Variants in C19orf47 observed in about 807,000 individuals in gnomAD.
C19orf47 encodes chromosome 19 open reading frame 47.
Under a neutral mutation model 32.3 loss-of-function variants are expected in C19orf47, and 18 were observed. That is an observed-to-expected ratio of 0.56 (90% CI 0.39 to 0.83). The LOEUF is 0.83. C19orf47 is among the 40% of genes least tolerant of loss of function. The probability of loss-of-function intolerance (pLI) is 0.00; values close to 1 mark genes in which losing one functional copy is unlikely to be tolerated. For missense variants in C19orf47, 484 were observed against 531.6 expected (o/e 0.91, Z 0.88); for synonymous variants, 202 against 211.1 (o/e 0.96, Z 0.37).
intron 1 of C19orf47, among the ~76,000 whole-genome samples, chr19:40,345,773 G>T (rs117356447): frequency 2.7e-4 from 28 of 102,450 alleles, no homozygotes; most frequent in African/African-American, 1.5e-3. Context: ...ACCCGGGGCG[G>T]GGGGGGGAGA....
chr19:40,294,063 T>C, the C19orf47 span, among the ~76,000 whole-genome samples: 3 of 152,002 alleles, frequency 2.0e-5, no homozygotes, highest in Non-Finnish European at 2.9e-5. Context: ...GAGGTTGCAG[T>C]GTACTGAGAT....
chr19:40,342,238 G>C (rs8104162), intron 1 of C19orf47: 75,842 of 287,110 alleles, frequency 0.26, 12,005 homozygotes, highest in African/African-American at 0.51. Context: ...GTAATCCCAG[G>C]ACTTTGGGAG....
chr19:40,345,340 C>T (rs980388615), intron 1 of C19orf47, among the ~76,000 whole-genome samples: 7 of 152,060 alleles, frequency 4.6e-5, no homozygotes, highest in Non-Finnish European at 8.8e-5. Context: ...AATTTTACCA[C>T]GTCCTAATCC....
At chr19:40,331,443 A>T (rs2077951335) in intron 5 of C19orf47, among the ~76,000 whole-genome samples, 1 of 152,238 alleles carries the variant, frequency 6.6e-6, no homozygotes, top group Non-Finnish European at 1.5e-5. Flanking sequence ...CTAGAGCAGA[A>T]CTGACCAGCC....
At chr19:40,343,378 T>C (rs1470324350) in intron 1 of C19orf47, 1 of 152,252 alleles carries the variant, frequency 6.6e-6, no homozygotes, top group Non-Finnish European at 1.5e-5. Context: ...CAAATCCAGC[T>C]CTACCACTTA....
At chr19:40,324,244 C>T in intron 7 of C19orf47, 168 bp from the exon 8 acceptor site, 1 of 660,440 alleles carries the variant, frequency 1.5e-6, no homozygotes, top group Non-Finnish European at 2.7e-6. Context: ...CTGACCCTAA[C>T]CCACCCCTAT....
At position 40,322,737 on chromosome 19, in the gene C19orf47, C is replaced by A. The variant is rs1017957232; in HGVS notation, c.664-361G>T. 3.9e-5 allele frequency among the ~76,000 whole-genome samples: 6 copies of A among 152,316 alleles called. No individual in the cohort carries two copies. The East Asian group carries it at 1.2e-3, about 29-fold the overall frequency. ...GAGATTAATCTGGTCATTCACTCCA[C>A]GAATATTTTGAGTCCCAATTCTATA... is the stretch of plus-strand genomic sequence containing the variant. On this transcript the variant is annotated intron_variant, in intron 8 of 8. Coordinates refer to ENST00000683109, the MANE Select transcript of C19orf47 (RefSeq NM_001256441.2).
rs1193289452 is a variant in C19orf47 at position 40,346,532 on chromosome 19, CT to C, written c.-34+1791del. Among the ~76,000 whole-genome samples, 36 of 138,260 alleles carry C rather than the reference CT, an allele frequency of 2.6e-4. 1 individual carries two copies. The highest frequency in any genetic ancestry group is 3.8e-3 in the Middle Eastern group (1 of 260). 90.7% of individuals were successfully genotyped at this position (138,260 alleles called of 152,430 possible). A position where few individuals can be genotyped will look rare whatever the true frequency, so the allele number is the denominator to read the frequency against. On this transcript the variant is annotated intron_variant, in intron 1 of 8. Transcript: ENST00000683109. ...ATCTTAAAAAAAAAAAAAGAGGACC[CT>C]TTTTTTTTTTTGAGATGAAGTCCCA...
intron 1 of C19orf47, among the ~76,000 whole-genome samples, chr19:40,345,224 G>A (rs11670323): frequency 0.1 from 15,269 of 152,034 alleles, 1,011 homozygotes; most frequent in African/African-American, 0.19. Flanking sequence ...TCCGAATAGT[G>A]AAAATTATAA....
At chr19:40,338,304 T>C (rs142334979) in intron 2 of C19orf47, among the ~76,000 whole-genome samples, 1,556 of 148,854 alleles carry the variant, frequency 0.01, 16 homozygotes, top group African/African-American at 0.036. Context: ...TATATATATA[T>C]ACACATATAT....
chr19:40,304,156 T>C, the C19orf47 span, among the ~76,000 whole-genome samples: 3 of 152,166 alleles, frequency 2.0e-5, no homozygotes. Flanking sequence ...CAAACACTAA[T>C]CTGATTTTTC....
intron 5 of C19orf47, 112 bp downstream of exon 5, chr19:40,333,739 G>T (rs1203467500): frequency 5.0e-6 from 4 of 806,156 alleles, no homozygotes; most frequent in African/African-American, 1.8e-5. Flanking sequence ...TCCTCCAATG[G>T]CTTTGTTTCT....
the C19orf47 span, among the ~76,000 whole-genome samples, chr19:40,309,637 C>T: frequency 1.0e-3 from 157 of 151,336 alleles, no homozygotes; most frequent in African/African-American, 3.3e-3. Context: ...TTCCTCCCCA[C>T]GAACATTTTA....
intron 4 of C19orf47, among the ~76,000 whole-genome samples, chr19:40,335,228 A>C (rs191248661): frequency 1.3e-5 from 2 of 152,306 alleles, no homozygotes; most frequent in African/African-American, 4.8e-5. Flanking sequence ...CTGTGTGAGA[A>C]GCCCATTTCA....
intron 5 of C19orf47, chr19:40,332,752 A>G (rs1227530721): frequency 6.6e-6 from 1 of 152,220 alleles, no homozygotes; most frequent in Non-Finnish European, 1.5e-5. Flanking sequence ...TTGTAACCCC[A>G]AAATCAATAC....
chr19:40,333,828 A>G (rs2078004210), intron 5 of C19orf47, 23 bp downstream of exon 5: 4 of 1,518,096 alleles, frequency 2.6e-6, no homozygotes, highest in Non-Finnish European at 2.7e-6. Flanking sequence ...CAAGGAAAAG[A>G]GGCCTGAATA....
chr19:40,318,735 C>G (rs1363419472), downstream of C19orf47, among the ~76,000 whole-genome samples: 1 of 152,072 alleles, frequency 6.6e-6, no homozygotes, highest in East Asian at 1.9e-4. Context: ...AGCCTGGGCC[C>G]CCACAGAGAA....
intron 2 of C19orf47, among the ~76,000 whole-genome samples, chr19:40,340,203 A>G (rs2078149452): frequency 6.6e-6 from 1 of 152,024 alleles, no homozygotes; most frequent in Non-Finnish European, 1.5e-5. Context: ...GCACAAGTCA[A>G]TAGATCTTCC....
the C19orf47 span, among the ~76,000 whole-genome samples, chr19:40,306,151 CAAAAAAAAAAAAAA>C: frequency 1.9e-5 from 1 of 53,874 alleles, no homozygotes; most frequent in Non-Finnish European, 3.6e-5. Context: ...AACTCTGTCT[CAAAAAAAAAAAAAA>C]AAAAAAAAAG....
Sources: gnomAD v4.1 joint callset for allele counts (sites outside exome capture counted in the v4.1 genomes callset) on GRCh38, gnomAD v4.1.1 for gene constraint, MANE v1.5 for transcripts, NCBI Gene and HGNC (gene_info 2026-07-23, HGNC 2026-07-21) for gene names.